EVC2: variants seen among roughly 807,000 people sequenced by gnomAD.
EVC2 encodes EvC ciliary complex subunit 2.
Under a neutral mutation model 149.3 loss-of-function variants are expected in EVC2, and 148 were observed. The ratio of observed to expected loss-of-function variants is 0.99; its 90% confidence interval spans 0.87 to 1.14. The LOEUF is 1.14. Ranked by LOEUF, EVC2 falls within the 50% of genes most tolerant of loss-of-function variation. The pLI, the probability that EVC2 is intolerant of heterozygous loss-of-function variation, is 0.00. For synonymous variants in EVC2, 776 were observed against 649.9 expected (o/e 1.19, Z -2.95); for missense variants, 1,854 against 1,627.3 (o/e 1.14, Z -2.40).
At chr4:5,602,672 G>A (rs893675676) in intron 16 of EVC2, among the ~76,000 whole-genome samples, 3 of 151,968 alleles carry the variant, frequency 2.0e-5, no homozygotes, top group Non-Finnish European at 4.4e-5. Flanking sequence ...TTCAACTGTA[G>A]GTAACATTTA....
rs376346273 is a variant in EVC2, at chr4:5,550,231, C to T, written c.3420-7019G>A. Among the ~76,000 whole-genome samples the T allele has an allele frequency of 5.5e-4, 83 of 152,208 alleles. No homozygotes were observed. In the South Asian group the frequency reaches 8.3e-3, roughly 15 times the overall value. Reference sequence around the variant, plus strand: ...ACATGTTGGAACAGTTTGGAGGGCTCAGAAGAAGACAGGAAAATGTGGGAA... The same window carrying T: ...ACATGTTGGAACAGTTTGGAGGGCTTAGAAGAAGACAGGAAAATGTGGGAA... On this transcript the variant is annotated intron_variant and NMD_transcript_variant, in intron 21 of 22. Coordinates refer to the EVC2 transcript ENST00000475313.
chr4:5,683,876 CCGGGAACACACACAGCTACA>C (rs1264100784), intron 6 of EVC2, among the ~76,000 whole-genome samples: 6 of 151,408 alleles, frequency 4.0e-5, no homozygotes, highest in African/African-American at 1.2e-4. Context: ...GCACAGCTGC[CCGGGAACACACACAGCTACA>C]CGGGAACACA....
intron 1 of EVC2, among the ~76,000 whole-genome samples, chr4:5,701,681 T>C (rs1721836983): frequency 6.6e-6 from 1 of 152,218 alleles, no homozygotes; most frequent in South Asian, 2.1e-4. Flanking sequence ...CTCTAGTTCA[T>C]ATTTCTCCCC....
rs778174331 is a variant in EVC2 at position 5,622,874 on chromosome 4, C to G, written c.2164G>C (p.Glu722Gln). Residue 722 changes from glutamate (E) to glutamine (Q), a missense_variant, in exon 14 of 22, where the codon GAG becomes CAG. Transcript: ENST00000344408. This position sits in a 1 kb window ranked among gnomAD's most constrained non-coding sequence, Gnocchi z 5.8. ...SLMEEHGATL[E>Q]ELQERLDQAA... ...TGGTCCAGACGCTCCTGCAGCTCCT[C>G]CAGGGTGGCACCGTGCTCCTCCATC... 1 of 1,614,156 alleles carries G rather than the reference C, an allele frequency of 6.2e-7. No homozygotes were observed. Among genetic ancestry groups the G allele is most frequent in the Admixed American group, 1.7e-5 (1 of 60,022 alleles).
chr4:5,648,003 G>A (rs775372781), intron 9 of EVC2, among the ~76,000 whole-genome samples: 1 of 152,142 alleles, frequency 6.6e-6, no homozygotes, highest in Non-Finnish European at 1.5e-5. Context: ...GGAAGGGAAC[G>A]TCCCCTAAAG....
In EVC2 at chr4:5,632,023, C is replaced by A; in HGVS notation, c.1480G>T (p.Glu494Ter). ...LKRAGERSAV[E>*]CSNLLRTLHG... ...AGGGTCCGCAGAAGGTTGCTGCACT[C>A]TACAGCAGACTGGAGAGAGGAAAGG... is the stretch of plus-strand genomic sequence containing the variant. Residue 494 changes from glutamate (E) to a stop codon, truncating the protein, a stop_gained, in exon 11 of 22, where the codon GAG (glutamate) becomes TAG (stop). Transcript: ENST00000344408. LOFTEE classifies it high-confidence loss of function. 6.2e-7 allele frequency: 1 copy of A among 1,614,034 alleles called. No individual in the cohort carries two copies. The highest frequency in any genetic ancestry group is 8.5e-7 in the Non-Finnish European group (1 of 1,179,968).
At chr4:5,600,914 C>T (rs1577142177) in intron 16 of EVC2, among the ~76,000 whole-genome samples, 1 of 152,180 alleles carries the variant, frequency 6.6e-6, no homozygotes, top group African/African-American at 2.4e-5. Flanking sequence ...GGGAAGGAAA[C>T]TCAGGCACAT....
downstream of EVC2, among the ~76,000 whole-genome samples, chr4:5,540,685 A>G (rs1000108501): frequency 2.6e-5 from 4 of 152,204 alleles, no homozygotes; most frequent in Non-Finnish European, 4.4e-5. Context: ...GGAATTTACC[A>G]AGGGCCACAA....
chr4:5,671,502 C>T (rs1352518150), intron 7 of EVC2, among the ~76,000 whole-genome samples: 1 of 152,132 alleles, frequency 6.6e-6, no homozygotes, highest in Non-Finnish European at 1.5e-5. Context: ...ATATTTCAAA[C>T]AATACTTTAT....
At chr4:5,596,781 T>C (rs1713459833) in intron 16 of EVC2, among the ~76,000 whole-genome samples, 1 of 150,536 alleles carries the variant, frequency 6.6e-6, no homozygotes, top group Admixed American at 6.6e-5. Context: ...GAATCCAAGG[T>C]TTTCTGAAAG....
chr4:5,540,374 C>T (rs1284088487), downstream of EVC2, among the ~76,000 whole-genome samples: 1 of 152,222 alleles, frequency 6.6e-6, no homozygotes, highest in South Asian at 2.1e-4. Flanking sequence ...CAAATACATA[C>T]ACAAACGTTT....
At chr4:5,579,879 C>T (rs923559249) in intron 17 of EVC2, among the ~76,000 whole-genome samples, 2 of 152,060 alleles carry the variant, frequency 1.3e-5, no homozygotes, top group Non-Finnish European at 2.9e-5. Flanking sequence ...CCAGGTGAGG[C>T]TTGGGAAAGT....
rs1469042662 is a variant in EVC2 at position 5,686,762 on chromosome 4, T to G, written c.707-1283A>C. On this transcript the variant is annotated intron_variant, in intron 5 of 21. Coordinates refer to ENST00000344408, the MANE Select transcript of EVC2 (RefSeq NM_147127.5). This position sits in a 1 kb window ranked among gnomAD's most constrained non-coding sequence, Gnocchi z 5.4. ...TGGGACCTGACTGGTCATTTGATTT[T>G]ATAGTTATCTACTTATGCTTTGGGG... Among the ~76,000 whole-genome samples the G allele has an allele frequency of 6.6e-6, 1 of 152,102 alleles. No homozygotes were observed. The highest frequency in any genetic ancestry group is 1.5e-5 in the Non-Finnish European group (1 of 68,028).
rs549965301 is a variant in EVC2, at chr4:5,692,723, C to T, written c.451-1390G>A. On this transcript the variant is annotated intron_variant, in intron 3 of 21. Coordinates refer to ENST00000344408, the MANE Select transcript of EVC2 (RefSeq NM_147127.5). ...TCTACTAAAAATACAAAAAATTAGC[C>T]GGGCGCGGTGGCGGGCGCCTGTAGT... 1.8e-3 allele frequency among the ~76,000 whole-genome samples: 278 copies of T among 150,782 alleles called. 2 individuals carry two copies. Among genetic ancestry groups the T allele is most frequent in the African/African-American group, 5.9e-3 (244 of 41,026 alleles).
At chr4:5,655,845 A>AG (rs1718488490) in intron 9 of EVC2, among the ~76,000 whole-genome samples, 1 of 151,846 alleles carries the variant, frequency 6.6e-6, no homozygotes. Context: ...AGGGAAAGAG[A>AG]GGGGCATTAT....
chr4:5,545,780 C>CA (rs113606846), intron 21 of EVC2, among the ~76,000 whole-genome samples: 1,936 of 151,448 alleles, frequency 0.013, 44 homozygotes, highest in African/African-American at 0.043. Context: ...ACAAAATTGG[C>CA]AAAAAAAACC....
At chr4:5,628,893 T>C (rs1716327818) in intron 11 of EVC2, among the ~76,000 whole-genome samples, 159 bp from the exon 12 acceptor site, 1 of 152,156 alleles carries the variant, frequency 6.6e-6, no homozygotes, top group Non-Finnish European at 1.5e-5. Flanking sequence ...TAACAAAGGC[T>C]TATGAGAAAA....
chr4:5,544,501 CA>C (rs1232392204), intron 21 of EVC2, among the ~76,000 whole-genome samples: 1 of 152,160 alleles, frequency 6.6e-6, no homozygotes, highest in Non-Finnish European at 1.5e-5. Context: ...AAAACAAGTG[CA>C]ACACAATCAG....
chr4:5,698,315 C>A (rs1721615833), intron 1 of EVC2, among the ~76,000 whole-genome samples: 1 of 152,114 alleles, frequency 6.6e-6, no homozygotes, highest in South Asian at 2.1e-4. Flanking sequence ...TTCCCAAGAT[C>A]CTGCAAGTTT....
Sources: gnomAD v4.1 joint callset for allele counts (sites outside exome capture counted in the v4.1 genomes callset) on GRCh38, gnomAD v4.1.1 for gene constraint, Gnocchi (gnomAD v3.1) non-coding constraint, MANE v1.5 for transcripts, NCBI Gene and HGNC (gene_info 2026-07-23, HGNC 2026-07-21) for gene names.